Variants in ZDHHC21 observed in about 807,000 individuals in gnomAD.
ZDHHC21 encodes the protein zDHHC palmitoyltransferase 21.
A neutral mutation model predicts 34.6 loss-of-function variants in ZDHHC21; 15 were observed. The ratio of observed to expected loss-of-function variants is 0.43; its 90% CI spans 0.29 to 0.67. The LOEUF is 0.67. ZDHHC21 is among the 30% of genes least tolerant of loss of function. ZDHHC21 has a pLI of 0.14. For missense variants in ZDHHC21, 344 were observed against 327.7 expected (o/e 1.05, Z -0.38); for synonymous variants, 142 against 101.8 (o/e 1.40, Z -2.38).
Position 14,665,511 on chromosome 9 carries a change from C to A in ZDHHC21, c.254-3185G>T, listed in dbSNP as rs553660838. Among the ~76,000 whole-genome samples the A allele has an allele frequency of 2.4e-4, 37 of 151,930 alleles. 1 individual carries two copies. Among genetic ancestry groups the A allele is most frequent in the Non-Finnish European group, 2.4e-4 (16 of 68,002 alleles). On this transcript the variant is annotated intron_variant, in intron 5 of 9. Transcript: ENST00000380916. The stretch of plus-strand genomic sequence containing the variant: ...AAATACAGAGAACGCCACAAAGATA[C>A]TCCCCAAGAAGAAAAACTCCAAGAC...
In ZDHHC21 at chr9:14,612,369, A is replaced by G. The variant is rs1227958720; in HGVS notation, c.*6597T>C. 1.3e-5 allele frequency: 2 copies of G among 151,970 alleles called. No homozygotes were observed. The highest frequency in any genetic ancestry group is 4.8e-5 in the African/African-American group (2 of 41,404). 9.4% of individuals were successfully genotyped at this position (151,970 alleles called of 1,614,324 possible). ...CACCTTCTTGCCAGAATGATTAACC[A>G]TTTTAGCTGCAGTTGTAAGGACACT... On this transcript the variant is annotated 3_prime_UTR_variant, in exon 10 of 10. Coordinates refer to ENST00000380916, the MANE Select transcript of ZDHHC21 (RefSeq NM_178566.6).
At position 14,658,676 on chromosome 9, in the gene ZDHHC21, T is replaced by C. The variant is rs1315162359; in HGVS notation, c.504+73A>G. ...TTAGTAGAGACGGGGTTTCACCGTG[T>C]TAGCCAGGATGGTCTCGATCTCCTG... is the stretch of plus-strand genomic sequence containing the variant. On this transcript the variant is annotated intron_variant, in intron 7 of 9. Transcript: ENST00000380916. 7.4e-5 allele frequency: 95 copies of C among 1,279,462 alleles called. 1 individual carries two copies. In the Admixed American group the frequency reaches 1.8e-3, roughly 25 times the overall value. The allele number at this position is 1,279,462 out of a possible 1,614,324, so 79.3% of individuals were successfully genotyped here.
At chr9:14,635,871 T>C (rs1191130100) in intron 8 of ZDHHC21, among the ~76,000 whole-genome samples, 1 of 151,870 alleles carries the variant, frequency 6.6e-6, no homozygotes, top group Non-Finnish European at 1.5e-5. Flanking sequence ...AATTTTTTTA[T>C]AAAAAATTAA....
chr9:14,643,303 A>G (rs1163947353), intron 7 of ZDHHC21, among the ~76,000 whole-genome samples: 2 of 152,084 alleles, frequency 1.3e-5, no homozygotes, highest in Non-Finnish European at 2.9e-5. Context: ...CCTCTCAAGA[A>G]TTAGAACATC....
intron 2 of ZDHHC21, among the ~76,000 whole-genome samples, chr9:14,682,153 T>C (rs970186527): frequency 4.6e-5 from 7 of 152,158 alleles, no homozygotes; most frequent in Non-Finnish European, 1.5e-5. Context: ...AATAACCAGC[T>C]AACATCATAA....
Position 14,618,832 on chromosome 9 carries a change from C to T in ZDHHC21, c.*134G>A. 1 of 946,186 alleles carries T rather than the reference C, an allele frequency of 1.1e-6. No individual in the cohort carries two copies. The highest frequency in any genetic ancestry group is 1.4e-6 in the Non-Finnish European group (1 of 690,290). The allele number at this position is 946,186 out of a possible 1,614,324, so 58.6% of individuals were successfully genotyped here. Reference sequence around the variant, plus strand: ...GATCAAGATCACTATTAAAATAAAGCCTGGGGCACATTATGATGCCTAAGA... The same window carrying T: ...GATCAAGATCACTATTAAAATAAAGTCTGGGGCACATTATGATGCCTAAGA... On this transcript the variant is annotated 3_prime_UTR_variant, in exon 10 of 10. Coordinates refer to ENST00000380916, the MANE Select transcript of ZDHHC21 (RefSeq NM_178566.6).
intron 8 of ZDHHC21, among the ~76,000 whole-genome samples, chr9:14,636,259 A>T (rs1369368330): frequency 6.6e-6 from 1 of 152,228 alleles, no homozygotes; most frequent in East Asian, 1.9e-4. Context: ...AGTAAGCTGG[A>T]ATAGCTAGCT....
In ZDHHC21 at chr9:14,665,082, A is replaced by G. The variant is rs1338304561; in HGVS notation, c.254-2756T>C. Among the ~76,000 whole-genome samples, 85 of 91,606 alleles carry G rather than the reference A, an allele frequency of 9.3e-4. 1 individual carries two copies. Among genetic ancestry groups the G allele is most frequent in the African/African-American group, 3.4e-3 (81 of 23,988 alleles). The allele number at this position is 91,606 out of a possible 152,430, so 60.1% of individuals were successfully genotyped here. On this transcript the variant is annotated intron_variant, in intron 5 of 9. Transcript: ENST00000380916. Reference sequence around the variant, plus strand: ...GGAAGGACATTCAAACCAAAGGCAAAGAAGTTGAAAACTTTGAAAAAAATT... The same window carrying G: ...GGAAGGACATTCAAACCAAAGGCAAGGAAGTTGAAAACTTTGAAAAAAATT...
intron 7 of ZDHHC21, among the ~76,000 whole-genome samples, chr9:14,648,507 T>C (rs552069338): frequency 3.3e-5 from 5 of 152,218 alleles, no homozygotes; most frequent in African/African-American, 9.6e-5. Context: ...CTCCCTACTG[T>C]TCCTTGAGAA....
chr9:14,628,636 C>G (rs1428458735), intron 8 of ZDHHC21, among the ~76,000 whole-genome samples: 1 of 152,050 alleles, frequency 6.6e-6, no homozygotes, highest in East Asian at 1.9e-4. Context: ...ATTCTTTCTC[C>G]CACTTCTTTC....
intron 3 of ZDHHC21, chr9:14,677,307 A>G (rs530575313): frequency 6.6e-6 from 1 of 152,106 alleles, no homozygotes; most frequent in East Asian, 1.9e-4. Flanking sequence ...CCTGATTGGT[A>G]AAACTTAGCT....
the ZDHHC21 span, among the ~76,000 whole-genome samples, chr9:14,591,415 C>T: frequency 6.6e-6 from 1 of 152,058 alleles, no homozygotes; most frequent in Non-Finnish European, 1.5e-5. Flanking sequence ...ACAAGAAGGT[C>T]ATCAAACACT....
rs1289036048 is a variant in ZDHHC21, at chr9:14,617,750, C to A, written c.*1216G>T. The A allele has an allele frequency of 6.6e-6, 1 of 151,916 alleles. No homozygotes were observed. Among genetic ancestry groups the A allele is most frequent in the Non-Finnish European group, 1.5e-5 (1 of 67,908 alleles). The allele number at this position is 151,916 out of a possible 1,614,324, so 9.4% of individuals were successfully genotyped here. A position where few individuals can be genotyped will look rare whatever the true frequency, so the allele number is the denominator to read the frequency against. ...ATTAGTAATTTACATTTGTACAAGG[C>A]TAATGATAAACACAGATCATTATAT... On this transcript the variant is annotated 3_prime_UTR_variant, in exon 10 of 10. Coordinates refer to ENST00000380916, the MANE Select transcript of ZDHHC21 (RefSeq NM_178566.6).
chr9:14,616,260 T>C lies in ZDHHC21; in HGVS notation c.*2706A>G, dbSNP rs1313854285. 1 of 151,768 alleles carries C rather than the reference T, an allele frequency of 6.6e-6. No individual in the cohort carries two copies. The highest frequency in any genetic ancestry group is 1.9e-4 in the East Asian group (1 of 5,174). 9.4% of individuals were successfully genotyped at this position (151,768 alleles called of 1,614,324 possible). On this transcript the variant is annotated 3_prime_UTR_variant, in exon 10 of 10. Transcript: ENST00000380916. ...AACAGCTTTTCCAATTCTAAGGAAT[T>C]ACTCTGCCAAAATAAGGTTTAAAAT...
At position 14,679,464 on chromosome 9, in the gene ZDHHC21, C is replaced by T. The variant is rs1836992275; in HGVS notation, c.-46+569G>A. Among the ~76,000 whole-genome samples the T allele has an allele frequency of 2.0e-5, 3 of 151,966 alleles. No homozygotes were observed. In the South Asian group the frequency reaches 6.2e-4, roughly 32 times the overall value. On this transcript the variant is annotated intron_variant, in intron 3 of 9. Transcript: ENST00000380916. ...GTTAGAAAAAATATGCAGGTATGTG[C>T]ATAAGTAATTTCTGCACAAGTGCAG...
rs1048212260 is a variant in ZDHHC21 at position 14,629,999 on chromosome 9, TCACGCCACTG to T, written c.621+9887_621+9896del. On this transcript the variant is annotated intron_variant, in intron 8 of 9. Coordinates refer to ENST00000380916, the MANE Select transcript of ZDHHC21 (RefSeq NM_178566.6). ...AGACAGAGGTTGCAGTGAGCCGAGA[TCACGCCACTG>T]CACGCCAGCCTGGCGACAGAGAGAG... 9.9e-5 allele frequency among the ~76,000 whole-genome samples: 15 copies of T among 152,134 alleles called. No individual in the cohort carries two copies. The East Asian group carries it at 1.2e-3, about 12-fold the overall frequency.
intron 2 of ZDHHC21, among the ~76,000 whole-genome samples, chr9:14,683,066 G>T (rs1370620726): frequency 1.3e-5 from 2 of 151,632 alleles, no homozygotes; most frequent in Non-Finnish European, 2.9e-5. Flanking sequence ...AGCACTAAAT[G>T]CCCACAAGAG....
chr9:14,594,912 T>A, the ZDHHC21 span, among the ~76,000 whole-genome samples: 1 of 152,252 alleles, frequency 6.6e-6, no homozygotes, highest in South Asian at 2.1e-4. Context: ...TTAATAAACA[T>A]ACACATAAAA....
At chr9:14,606,745 T>TA (rs1247699772), downstream of ZDHHC21, among the ~76,000 whole-genome samples, 1 of 151,806 alleles carries the variant, frequency 6.6e-6, no homozygotes, top group Non-Finnish European at 1.5e-5. Context: ...TTAAATAGAT[T>TA]AAAAAATAAT....
Sources: gnomAD v4.1 joint callset for allele counts (sites outside exome capture counted in the v4.1 genomes callset) on GRCh38, gnomAD v4.1.1 for gene constraint, MANE v1.5 for transcripts, NCBI Gene and HGNC (gene_info 2026-07-23, HGNC 2026-07-21) for gene names.